Variants in GAS7 observed in about 807,000 individuals in gnomAD.
GAS7 encodes the protein growth arrest-specific protein 7.
Under a neutral mutation model 71.1 loss-of-function variants are expected in GAS7, and 28 were observed. That is an observed-to-expected ratio of 0.39 (90% CI 0.29 to 0.54). The LOEUF (loss-of-function observed/expected upper bound fraction) is 0.54. Among genes scored for constraint, GAS7 ranks in the 20% least tolerant of loss-of-function variants. The pLI is 0.62. For synonymous variants in GAS7, 258 were observed against 245.8 expected (o/e 1.05, Z -0.46); for missense variants, 436 against 627.8 (o/e 0.69, Z 3.27).
intron 1 of GAS7, among the ~76,000 whole-genome samples, chr17:10,146,791 T>C (rs949524548): frequency 6.6e-6 from 1 of 152,026 alleles, no homozygotes; most frequent in African/African-American, 2.4e-5. Flanking sequence ...GAGACCATCC[T>C]GGCTAACACG....
chr17:10,092,261 A>G (rs2152256596), intron 1 of GAS7, among the ~76,000 whole-genome samples: 1 of 152,296 alleles, frequency 6.6e-6, no homozygotes, highest in Admixed American at 6.5e-5. Flanking sequence ...GTCCCTGCCA[A>G]CCGCATCTAA....
Position 10,026,785 on chromosome 17 carries a change from G to A in GAS7, c.184-6888C>T, listed in dbSNP as rs575919742. On this transcript the variant is annotated intron_variant, in intron 1 of 13. Transcript: ENST00000432992. The surrounding 1 kb of genome is among the most constrained non-coding windows in gnomAD (Gnocchi z 4.5). The stretch of plus-strand genomic sequence containing the variant: ...TACACAGAGCTGGGAACAGCTACCC[G>A]AGAAGGATACTCTCCTCCAGCTCTG... Among the ~76,000 whole-genome samples, 5 of 152,322 alleles carry A rather than the reference G, an allele frequency of 3.3e-5. No individual in the cohort carries two copies. Among genetic ancestry groups the A allele is most frequent in the South Asian group, 4.1e-4 (2 of 4,832 alleles).
At chr17:9,941,960 G>A (rs565098131) in intron 7 of GAS7, among the ~76,000 whole-genome samples, 1 of 152,246 alleles carries the variant, frequency 6.6e-6, no homozygotes, top group Admixed American at 6.5e-5. Context: ...AATTAAAAAG[G>A]AAATATTTTT....
chr17:9,931,612 A>C (rs1476079344), intron 9 of GAS7, among the ~76,000 whole-genome samples: 2 of 152,240 alleles, frequency 1.3e-5, no homozygotes, highest in African/African-American at 4.8e-5. Flanking sequence ...GCTGAAAAAT[A>C]ACTTGCTGTT....
intron 6 of GAS7, among the ~76,000 whole-genome samples, chr17:9,944,461 C>A (rs542573628): frequency 1.3e-5 from 2 of 152,314 alleles, no homozygotes; most frequent in South Asian, 4.1e-4. Flanking sequence ...CCCCGGACCA[C>A]CCCCTTGAAA....
chr17:10,012,296 T>C (rs544216254), intron 2 of GAS7, among the ~76,000 whole-genome samples: 1 of 152,178 alleles, frequency 6.6e-6, no homozygotes, highest in South Asian at 2.1e-4. Flanking sequence ...TTTATTTTAT[T>C]TATTTATTTG....
At chr17:10,000,696 T>C (rs980328525) in intron 2 of GAS7, among the ~76,000 whole-genome samples, 1 of 152,196 alleles carries the variant, frequency 6.6e-6, no homozygotes, top group Non-Finnish European at 1.5e-5. Context: ...GTTATAAGAA[T>C]CTACTCTTCA....
At chr17:10,004,109 G>A (rs930070880) in intron 2 of GAS7, among the ~76,000 whole-genome samples, 2 of 152,122 alleles carry the variant, frequency 1.3e-5, no homozygotes, top group Non-Finnish European at 2.9e-5. Flanking sequence ...TACTCAGGCA[G>A]GAAAGGAAAT....
chr17:10,125,732 C>G (rs1402981134), intron 1 of GAS7, among the ~76,000 whole-genome samples: 5 of 151,776 alleles, frequency 3.3e-5, no homozygotes, highest in Non-Finnish European at 5.9e-5. Flanking sequence ...AGCCACTGGC[C>G]ACTGGGGGAA....
At chr17:10,195,445 C>A (rs1440480050) in intron 1 of GAS7, among the ~76,000 whole-genome samples, 5 of 152,184 alleles carry the variant, frequency 3.3e-5, no homozygotes, top group Non-Finnish European at 1.5e-5. Context: ...CCTAGTATCA[C>A]TCTTTCTATC....
chr17:9,927,029 C>T (rs2068028363), intron 9 of GAS7: 3 of 407,124 alleles, frequency 7.4e-6, no homozygotes, highest in African/African-American at 6.5e-5. Flanking sequence ...CTTCTGATTT[C>T]CCCATCTGTT....
intron 3 of GAS7, among the ~76,000 whole-genome samples, chr17:9,978,854 C>A (rs555157105): frequency 6.6e-6 from 1 of 152,180 alleles, no homozygotes; most frequent in Non-Finnish European, 1.5e-5. Flanking sequence ...CAGCGCTGAA[C>A]TGAGGCTCTG....
chr17:10,039,942 C>G, intron 1 of GAS7: 2 of 324,772 alleles, frequency 6.2e-6, no homozygotes, highest in South Asian at 4.7e-5. Flanking sequence ...ACATGCCTGA[C>G]AGCAGGGCCC....
At position 10,175,981 on chromosome 17, in the gene GAS7, G is replaced by T. The variant is rs114487470; in HGVS notation, c.183+22227C>A. ...CCCTCACTGTGCTGGGCACATCCCC[G>T]TTATCACTCGGTCTGGTTCCCCACG... On this transcript the variant is annotated intron_variant, in intron 1 of 13. Transcript: ENST00000432992. Among the ~76,000 whole-genome samples the T allele has an allele frequency of 2.4e-3, 358 of 152,212 alleles. 4 individuals carry two copies. The highest frequency in any genetic ancestry group is 8.3e-3 in the African/African-American group (345 of 41,540).
At chr17:10,078,049 T>A (rs1477987665) in intron 1 of GAS7, among the ~76,000 whole-genome samples, 3 of 131,008 alleles carry the variant, frequency 2.3e-5, no homozygotes, top group African/African-American at 6.2e-5. Context: ...TGTTGTTTTT[T>A]CTGTTGTGTG....
At chr17:10,008,433 C>T (rs568669870) in intron 2 of GAS7, among the ~76,000 whole-genome samples, 69 of 152,304 alleles carry the variant, frequency 4.5e-4, no homozygotes, top group South Asian at 8.3e-4. Flanking sequence ...ACTCAACTTC[C>T]TAGAATAGAG....
intron 1 of GAS7, among the ~76,000 whole-genome samples, chr17:10,037,388 ATTTCTGTG>A (rs1234021109): frequency 1.3e-5 from 2 of 152,140 alleles, no homozygotes; most frequent in Admixed American, 1.3e-4. Context: ...AATGCCGCAT[ATTTCTGTG>A]TTTGCTTTCA....
At chr17:10,092,290 C>T (rs1038697661) in intron 1 of GAS7, among the ~76,000 whole-genome samples, 1 of 152,188 alleles carries the variant, frequency 6.6e-6, no homozygotes, top group African/African-American at 2.4e-5. Context: ...CTCCTGCCAC[C>T]CTTTGCTCTG....
At chr17:10,003,082 T>C (rs2071333848) in intron 2 of GAS7, among the ~76,000 whole-genome samples, 1 of 152,218 alleles carries the variant, frequency 6.6e-6, no homozygotes, top group Non-Finnish European at 1.5e-5. Context: ...TTGGACATCT[T>C]TTGTGGGACA....
Sources: gnomAD v4.1 joint callset for allele counts (sites outside exome capture counted in the v4.1 genomes callset) on GRCh38, gnomAD v4.1.1 for gene constraint, Gnocchi (gnomAD v3.1) non-coding constraint, MANE v1.5 for transcripts, NCBI Gene and HGNC (gene_info 2026-07-23, HGNC 2026-07-21) for gene names.